RAF1: variants seen among roughly 807,000 people sequenced by gnomAD.
RAF1 encodes RAF proto-oncogene serine/threonine-protein kinase.
Under a neutral mutation model 81.1 loss-of-function variants are expected in RAF1, and 27 were observed. That is an observed-to-expected ratio of 0.33 (90% CI 0.25 to 0.46). The LOEUF (loss-of-function observed/expected upper bound fraction) is 0.46. Among genes scored for constraint, RAF1 ranks in the 20% least tolerant of loss-of-function variants. RAF1 has a pLI of 1.00. For synonymous variants in RAF1, 298 were observed against 294.0 expected, an observed-to-expected ratio of 1.01 and a Z score of -0.14; for missense variants, 598 against 826.0, an observed-to-expected ratio of 0.72 and a Z score of 3.38.
chr3:12,648,277 C>G (rs1044005296), intron 1 of RAF1, among the ~76,000 whole-genome samples: 1 of 85,306 alleles, frequency 1.2e-5, no homozygotes, highest in Non-Finnish European at 2.1e-5. Flanking sequence ...AGCCAAGTAA[C>G]AGCGAAGTTA....
intron 1 of RAF1, among the ~76,000 whole-genome samples, chr3:12,628,495 C>G (rs1255059843): frequency 6.6e-6 from 1 of 152,000 alleles, no homozygotes; most frequent in Non-Finnish European, 1.5e-5. Context: ...GACACCTACT[C>G]TACAAAAAAA....
chr3:12,597,546 G>C (rs2058724152), intron 11 of RAF1, among the ~76,000 whole-genome samples: 1 of 152,164 alleles, frequency 6.6e-6, no homozygotes, highest in Admixed American at 6.6e-5. Context: ...TGTTATCTCA[G>C]ACACAAGTGC....
intron 13 of RAF1, chr3:12,588,336 C>T (rs1392317705): frequency 6.6e-6 from 1 of 152,206 alleles, no homozygotes; most frequent in Non-Finnish European, 1.5e-5. Flanking sequence ...AGCCAAGCAT[C>T]ACTTAACGGC....
chr3:12,598,025 T>C (rs1185775922), intron 11 of RAF1, among the ~76,000 whole-genome samples: 4 of 143,296 alleles, frequency 2.8e-5, no homozygotes, highest in Non-Finnish European at 6.2e-5. Flanking sequence ...TTTTTTTTTT[T>C]CTGAGACAGG....
chr3:12,632,930 G>C (rs1367725804), intron 1 of RAF1, among the ~76,000 whole-genome samples: 2 of 152,198 alleles, frequency 1.3e-5, no homozygotes, highest in African/African-American at 4.8e-5. Flanking sequence ...AGACCCAGTT[G>C]AGAGTATGAA....
At chr3:12,638,531 A>G (rs1239818195) in intron 1 of RAF1, among the ~76,000 whole-genome samples, 2 of 152,224 alleles carry the variant, frequency 1.3e-5, no homozygotes, top group South Asian at 2.1e-4. Flanking sequence ...ATAGAATTCT[A>G]CGTCAGAGGT....
chr3:12,656,122 T>C lies in RAF1; in HGVS notation c.-27+7691A>G, dbSNP rs143190927. Among the ~76,000 whole-genome samples the C allele has an allele frequency of 2.8e-3, 395 of 143,016 alleles. 3 individuals carry two copies. The highest frequency in any genetic ancestry group is 9.6e-3 in the African/African-American group (364 of 38,058). The allele number at this position is 143,016 out of a possible 152,430, so 93.8% of individuals were successfully genotyped here. A position where few individuals can be genotyped will look rare whatever the true frequency, so the allele number is the denominator to read the frequency against. On this transcript the variant is annotated intron_variant, in intron 1 of 17. Transcript: ENST00000442415. ...AGACAGCCTAGGGGTCCATTTTGCATTGTCAGGCAATACTAGATAATACTA... is the reference window on the plus strand; with the variant it reads ...AGACAGCCTAGGGGTCCATTTTGCACTGTCAGGCAATACTAGATAATACTA...
chr3:12,635,493 C>T (rs915186648), intron 1 of RAF1, among the ~76,000 whole-genome samples: 4 of 150,200 alleles, frequency 2.7e-5, no homozygotes, highest in South Asian at 2.1e-4. Flanking sequence ...AAAATTAGCC[C>T]GGTGTGGTGG....
At position 12,584,613 on chromosome 3, in the gene RAF1, G is replaced by A. The variant is rs1240899335; in HGVS notation, c.1908C>T (p.Ile636=). 6.2e-7 allele frequency: 1 copy of A among 1,613,972 alleles called. No homozygotes were observed. Among genetic ancestry groups the A allele is most frequent in the African/African-American group, 1.3e-5 (1 of 74,914 alleles). Residue 636 remains isoleucine, a synonymous_variant, in exon 18 of 18, where the codon ATC becomes ATT. Coordinates refer to ENST00000442415, the MANE Select transcript of RAF1 (RefSeq NM_001354689.3). ...AGGATGGCTCGGAAGCGCTCCGGTT[G>A]ATCTTCGGTAGAGAGTGTTGGAGCA...
chr3:12,641,089 C>T (rs2125531427), intron 1 of RAF1, among the ~76,000 whole-genome samples: 1 of 152,060 alleles, frequency 6.6e-6, no homozygotes, highest in East Asian at 1.9e-4. Context: ...TGGAAACCAT[C>T]ATTCTGAGCA....
At chr3:12,635,703 G>C (rs1018403364) in intron 1 of RAF1, among the ~76,000 whole-genome samples, 9 of 151,224 alleles carry the variant, frequency 6.0e-5, no homozygotes, top group African/African-American at 2.2e-4. Flanking sequence ...GCTGGGCGCG[G>C]TGGCTCACGC....
At chr3:12,637,798 A>G (rs1223132665) in intron 1 of RAF1, among the ~76,000 whole-genome samples, 2 of 152,092 alleles carry the variant, frequency 1.3e-5, no homozygotes, top group African/African-American at 4.8e-5. Context: ...GGTTGCAGTG[A>G]GCCGAAATTG....
At chr3:12,592,883 C>A (rs1403833036) in intron 11 of RAF1, among the ~76,000 whole-genome samples, 1 of 147,656 alleles carries the variant, frequency 6.8e-6, no homozygotes, top group Non-Finnish European at 1.5e-5. Context: ...CTACAGGCAC[C>A]CGCCACCACG....
intron 1 of RAF1, among the ~76,000 whole-genome samples, chr3:12,643,003 AGAG>A (rs1253074569): frequency 6.6e-6 from 1 of 152,178 alleles, no homozygotes; most frequent in African/African-American, 2.4e-5. Context: ...CTATGAAGAA[AGAG>A]AAGAACAGAA....
Position 12,618,534 on chromosome 3 carries a change from G to A in RAF1, c.188C>T (p.Pro63Leu), listed in dbSNP as rs949944826. Residue 63 changes from proline to leucine, a missense_variant, in exon 2 of 18, where the codon CCG (proline) becomes CTG (leucine). Coordinates refer to ENST00000442415, the MANE Select transcript of RAF1 (RefSeq NM_001354689.3). ...ACATACCACTGTTCTTTGCTTGTTC[G>A]GCAAGAAAACACGGATAGTGTTGCT... 2 of 1,614,072 alleles carry A rather than the reference G, an allele frequency of 1.2e-6. No individual in the cohort carries two copies. Among genetic ancestry groups the A allele is most frequent in the East Asian group, 2.2e-5 (1 of 44,888 alleles).
At chr3:12,595,768 C>T (rs1026857154) in intron 11 of RAF1, among the ~76,000 whole-genome samples, 1 of 152,146 alleles carries the variant, frequency 6.6e-6, no homozygotes, top group African/African-American at 2.4e-5. Flanking sequence ...TGAACTGGGA[C>T]TGCCACTCCA....
chr3:12,609,493 G>C (rs1559434683), intron 3 of RAF1, among the ~76,000 whole-genome samples, 158 bp from the exon 4 acceptor site: 1 of 152,034 alleles, frequency 6.6e-6, no homozygotes, highest in Non-Finnish European at 1.5e-5. Context: ...TATGAAGTAG[G>C]TATTATTTCT....
chr3:12,632,457 G>A (rs1025463073), intron 1 of RAF1, among the ~76,000 whole-genome samples: 1 of 152,102 alleles, frequency 6.6e-6, no homozygotes, highest in Non-Finnish European at 1.5e-5. Flanking sequence ...GAAAAGGAGG[G>A]TTGTGCTACT....
intron 2 of RAF1, among the ~76,000 whole-genome samples, chr3:12,614,188 T>C (rs1225296024): frequency 1.3e-5 from 2 of 152,172 alleles, no homozygotes; most frequent in African/African-American, 2.4e-5. Context: ...ACCCAAGACT[T>C]TTGGCTCATA....
Sources: gnomAD v4.1 joint callset for allele counts (sites outside exome capture counted in the v4.1 genomes callset) on GRCh38, gnomAD v4.1.1 for gene constraint, MANE v1.5 for transcripts, NCBI Gene and HGNC (gene_info 2026-07-23, HGNC 2026-07-21) for gene names.